Variants in FRMD4A observed in about 807,000 individuals in gnomAD.
FRMD4A encodes FERM domain-containing protein 4A.
In FRMD4A, 29 loss-of-function variants were observed where a neutral mutation model predicts 129.1. The observed-to-expected ratio is 0.22, with a 90% CI of 0.17 to 0.31. FRMD4A has a LOEUF of 0.31. FRMD4A is among the 10% of genes least tolerant of loss of function. The pLI is 1.00. For synonymous variants in FRMD4A, 634 were observed against 571.6 expected (o/e 1.11, Z -1.56); for missense variants, 1,272 against 1,375.8 (o/e 0.92, Z 1.19).
intron 16 of FRMD4A, among the ~76,000 whole-genome samples, chr10:13,670,981 T>C (rs567364114): frequency 6.6e-6 from 1 of 152,316 alleles, no homozygotes; most frequent in South Asian, 2.1e-4. Context: ...TGCTCAAATA[T>C]CTAAGTTTAA....
At chr10:14,308,414 G>A (rs1242183398) in intron 2 of FRMD4A, among the ~76,000 whole-genome samples, 1 of 150,558 alleles carries the variant, frequency 6.6e-6, no homozygotes. Context: ...TTTTTTTCTT[G>A]AGGGAAGTAG....
intron 2 of FRMD4A, among the ~76,000 whole-genome samples, chr10:14,139,352 G>A (rs1271452980): frequency 6.6e-6 from 1 of 152,140 alleles, no homozygotes; most frequent in Admixed American, 6.5e-5. Context: ...GGTTGCTGAA[G>A]TCATAAGCTA....
At chr10:14,246,332 G>C (rs1389375695) in intron 2 of FRMD4A, among the ~76,000 whole-genome samples, 1 of 152,048 alleles carries the variant, frequency 6.6e-6, no homozygotes, top group African/African-American at 2.4e-5. Flanking sequence ...TACTTTATGA[G>C]CACCTACACA....
At chr10:13,700,437 C>T (rs1008772363) in intron 14 of FRMD4A, among the ~76,000 whole-genome samples, 2 of 152,236 alleles carry the variant, frequency 1.3e-5, no homozygotes, top group African/African-American at 4.8e-5. Context: ...CCCAAGAACT[C>T]ACGCGATGGA....
chr10:13,982,493 GGGGA>G, intron 2 of FRMD4A, among the ~76,000 whole-genome samples: 1 of 136,760 alleles, frequency 7.3e-6, no homozygotes, highest in Non-Finnish European at 1.5e-5. Context: ...GGGGAGGGGA[GGGGA>G]GGGGGGGGAA....
rs1408171721 is a variant in FRMD4A at position 13,657,181 on chromosome 10, T to C, written c.2408A>G (p.Asn803Ser). The C allele has an allele frequency of 6.6e-6, 9 of 1,370,450 alleles. No individual in the cohort carries two copies. The highest frequency in any genetic ancestry group is 4.6e-5 in the African/African-American group (3 of 64,518). The allele number at this position is 1,370,450 out of a possible 1,614,324, so 84.9% of individuals were successfully genotyped here. The change falls in exon 22 of 25, where the codon AAC (asparagine) becomes AGC (serine). Residue 803 changes from asparagine to serine, a missense_variant. By Grantham distance (46) the Asn-to-Ser change is conservative. Around this residue, in one of 2 missense-constraint regions of FRMD4A, gnomAD observed 972 missense variants for 892.3 expected, o/e 1.09. Transcript: ENST00000357447. ...LGSASSGSMPNLAARGGAGGA... is the reference protein window; with the variant it reads ...LGSASSGSMPSLAARGGAGGA... ...CCCCGCACCCCCGCGCGCCGCCAGG[T>C]TGGGCATGCTGCCCGAGCTGGCTGA... is the stretch of plus-strand genomic sequence containing the variant.
intron 12 of FRMD4A, among the ~76,000 whole-genome samples, chr10:13,715,296 A>T (rs529437249): frequency 2.6e-5 from 4 of 152,078 alleles, no homozygotes; most frequent in Non-Finnish European, 5.9e-5. Context: ...CATTCTGTGC[A>T]TGGGTTGAAG....
At position 13,679,454 on chromosome 10, in the gene FRMD4A, A is replaced by T. The variant is rs1447009305; in HGVS notation, c.1118-4410T>A. On this transcript the variant is annotated intron_variant, in intron 15 of 24. Coordinates refer to ENST00000357447, the MANE Select transcript of FRMD4A (RefSeq NM_018027.5). The stretch of plus-strand genomic sequence containing the variant: ...AAAAAAAAAAAAAAAAAAAAAAAAA[A>T]AAAAAAATATATATATATATACACA... Among the ~76,000 whole-genome samples, 287 of 36,962 alleles carry T rather than the reference A, an allele frequency of 7.8e-3. 8 individuals are homozygous for T. Among genetic ancestry groups the T allele is most frequent in the African/African-American group, 0.03 (257 of 8,494 alleles). The allele number at this position is 36,962 out of a possible 152,430, so 24.2% of individuals were successfully genotyped here. A position where few individuals can be genotyped will look rare whatever the true frequency, so the allele number is the denominator to read the frequency against.
chr10:13,781,392 T>C (rs1309367322), intron 6 of FRMD4A, among the ~76,000 whole-genome samples: 1 of 122,612 alleles, frequency 8.2e-6, no homozygotes, highest in Non-Finnish European at 1.6e-5. Context: ...TTTTTTTTTT[T>C]TCTGAGACAG....
intron 24 of FRMD4A, chr10:13,651,424 A>G (rs1294987159): frequency 6.4e-6 from 1 of 155,690 alleles, no homozygotes; most frequent in African/African-American, 2.4e-5. Context: ...TAGATAGAAC[A>G]TGGTGAGTCT....
In FRMD4A at chr10:14,239,350, G is replaced by A. The variant is rs578087484; in HGVS notation, c.45+90708C>T. On this transcript the variant is annotated intron_variant, in intron 2 of 24. Transcript: ENST00000357447. ...CTTTTAAAACTGGCAAAAGCTGGCC[G>A]GACGCGGTGGCTCACTCCTGTAATC... Among the ~76,000 whole-genome samples the A allele has an allele frequency of 1.3e-4, 20 of 152,246 alleles. No homozygotes were observed. The South Asian group carries it at 2.9e-3, about 22-fold the overall frequency.
At chr10:14,085,673 T>C (rs1159508328) in intron 2 of FRMD4A, among the ~76,000 whole-genome samples, 2 of 152,138 alleles carry the variant, frequency 1.3e-5, no homozygotes, top group African/African-American at 2.4e-5. Flanking sequence ...CAGAGCAAAA[T>C]GGCAACTATC....
rs367701595 is a variant in FRMD4A, at chr10:13,707,116, G to C, written c.760-3C>G. The C allele has an allele frequency of 3.5e-5, 53 of 1,532,060 alleles. No individual in the cohort carries two copies. The highest frequency in any genetic ancestry group is 4.8e-5 in the Non-Finnish European group (53 of 1,105,228). 94.9% of individuals were successfully genotyped at this position (1,532,060 alleles called of 1,614,324 possible). ...TCCAACTGTCTCCATTGGAATATCT[G>C]GACAGAAAACAGTGTAGTTTAAAAC... is the stretch of plus-strand genomic sequence containing the variant. On this transcript the variant is annotated splice_region_variant and splice_polypyrimidine_tract_variant and intron_variant, in intron 12 of 24. Transcript: ENST00000357447.
At chr10:14,142,162 G>A (rs764450030) in intron 2 of FRMD4A, among the ~76,000 whole-genome samples, 1 of 148,604 alleles carries the variant, frequency 6.7e-6, no homozygotes, top group Non-Finnish European at 1.5e-5. Context: ...TTTTTTTTTT[G>A]TTGTTTTGTT....
chr10:13,826,151 T>G (rs1201940410), intron 3 of FRMD4A, among the ~76,000 whole-genome samples: 2 of 152,178 alleles, frequency 1.3e-5, no homozygotes, highest in Non-Finnish European at 2.9e-5. Context: ...ACATGAGAGG[T>G]GCTCAGTAAA....
intron 2 of FRMD4A, among the ~76,000 whole-genome samples, chr10:14,320,593 T>C (rs1218429): frequency 0.53 from 80,580 of 152,166 alleles, 21,770 homozygotes; most frequent in Non-Finnish European, 0.59. Context: ...TTTCTTCAAA[T>C]GCCTTGTTAG....
At chr10:13,880,811 A>G (rs2094538079) in intron 2 of FRMD4A, among the ~76,000 whole-genome samples, 1 of 152,106 alleles carries the variant, frequency 6.6e-6, no homozygotes, top group South Asian at 2.1e-4. Flanking sequence ...TGTTTAAAAG[A>G]GCAACTTAGC....
intron 2 of FRMD4A, among the ~76,000 whole-genome samples, chr10:14,009,392 A>C (rs1217701924): frequency 6.6e-6 from 1 of 152,006 alleles, no homozygotes; most frequent in African/African-American, 2.4e-5. Flanking sequence ...AGGGATGGCC[A>C]TTTCCTTTGT....
chr10:14,108,827 T>C (rs1300852421), intron 2 of FRMD4A, among the ~76,000 whole-genome samples: 1 of 152,094 alleles, frequency 6.6e-6, no homozygotes, highest in African/African-American at 2.4e-5. Flanking sequence ...AATTACTCCA[T>C]AGAAACAAAA....
Sources: allele counts gnomAD v4.1 joint callset (sites outside exome capture counted in the v4.1 genomes callset), GRCh38; gene constraint gnomAD v4.1.1; regional missense constraint gnomAD v4.1.1; transcripts MANE v1.5; gene names NCBI Gene and HGNC (gene_info 2026-07-23, HGNC 2026-07-21).